Variants in SETX observed in about 807,000 individuals in gnomAD.
The protein encoded by SETX is helicase senataxin.
SETX carries 90 observed loss-of-function variants against 227.2 expected under a neutral mutation model. The observed-to-expected ratio is 0.40, with a 90% CI of 0.33 to 0.47. SETX has a LOEUF of 0.47. SETX is among the 20% of genes least tolerant of loss of function. The pLI, the probability that SETX is intolerant of heterozygous loss-of-function variation, is 0.91. For synonymous variants in SETX, 1,210 were observed against 1,113.2 expected, an observed-to-expected ratio of 1.09 and a Z score of -1.73; for missense variants, 3,052 against 3,181.5, an observed-to-expected ratio of 0.96 and a Z score of 0.98.
At chr9:132,303,902 A>G (rs572495017) in intron 11 of SETX, among the ~76,000 whole-genome samples, 4 of 152,306 alleles carry the variant, frequency 2.6e-5, no homozygotes, top group Non-Finnish European at 5.9e-5. Context: ...CGGGTGGTTC[A>G]CCTGAGATCA....
At chr9:132,307,390 A>T (rs1201261759) in intron 11 of SETX, among the ~76,000 whole-genome samples, 1 of 151,648 alleles carries the variant, frequency 6.6e-6, no homozygotes, top group Non-Finnish European at 1.5e-5. Flanking sequence ...TACAATCTTT[A>T]TGTATCCTTA....
chr9:132,310,765 C>A (rs985987682), intron 11 of SETX, among the ~76,000 whole-genome samples: 2 of 152,200 alleles, frequency 1.3e-5, no homozygotes, highest in African/African-American at 4.8e-5. Flanking sequence ...CTCTGCCACT[C>A]CTGAGAGAGC....
intron 11 of SETX, among the ~76,000 whole-genome samples, chr9:132,307,962 C>A (rs935836730): frequency 6.6e-6 from 1 of 152,136 alleles, no homozygotes; most frequent in Admixed American, 6.5e-5. Flanking sequence ...CAGGCCTGAG[C>A]CACCGCACCC....
intron 11 of SETX, among the ~76,000 whole-genome samples, chr9:132,301,461 T>A (rs768496687): frequency 6.6e-6 from 1 of 152,164 alleles, no homozygotes; most frequent in Non-Finnish European, 1.5e-5. Flanking sequence ...CGGAAACAGA[T>A]CCAAGTAGTT....
At chr9:132,318,424 A>G (rs1310387784) in intron 10 of SETX, among the ~76,000 whole-genome samples, 1 of 152,176 alleles carries the variant, frequency 6.6e-6, no homozygotes, top group Non-Finnish European at 1.5e-5. Context: ...CATACTCCCC[A>G]GGGAGACCAG....
intron 11 of SETX, among the ~76,000 whole-genome samples, chr9:132,306,295 C>G (rs1845331316): frequency 6.6e-6 from 1 of 152,186 alleles, no homozygotes; most frequent in Non-Finnish European, 1.5e-5. Flanking sequence ...TCACTGCAAC[C>G]TCTGCCTCTT....
intron 15 of SETX, among the ~76,000 whole-genome samples, chr9:132,295,156 T>G (rs1844595549): frequency 1.3e-5 from 2 of 152,234 alleles, no homozygotes; most frequent in African/African-American, 4.8e-5. Context: ...TTTAGTGCCC[T>G]GAATCATCCG....
rs756892578 is a variant in SETX, at chr9:132,334,651, A to G, written c.795T>C (p.Asp265=). The G allele has an allele frequency of 6.2e-7, 1 of 1,614,126 alleles. No homozygotes were observed. Among genetic ancestry groups the G allele is most frequent in the South Asian group, 1.1e-5 (1 of 91,080 alleles). The change falls in exon 7 of 26, where the codon GAT becomes GAC. Residue 265 remains aspartate (D), a synonymous_variant. Coordinates refer to ENST00000224140, the MANE Select transcript of SETX (RefSeq NM_015046.7). ...TAGTGTGAAGTATCGATTGCATAAAATCATTTTGTTTGTCTGAGCCCAACA... is the reference window on the plus strand; with the variant it reads ...TAGTGTGAAGTATCGATTGCATAAAGTCATTTTGTTTGTCTGAGCCCAACA... The part of the protein sequence containing the change: ...SLLLGSDKQN[D]FMQSILHTME...
chr9:132,335,173 A>T (rs555012440), intron 6 of SETX, among the ~76,000 whole-genome samples: 1 of 151,558 alleles, frequency 6.6e-6, no homozygotes, highest in African/African-American at 2.4e-5. Context: ...GGCAGATCAC[A>T]AAGTCAGGAG....
chr9:132,288,798 C>T (rs1010997750), intron 15 of SETX, 147 bp from the exon 16 acceptor site: 6 of 663,194 alleles, frequency 9.0e-6, no homozygotes, highest in Non-Finnish European at 1.6e-5. Flanking sequence ...ACACCAGGGA[C>T]TACACCACAA....
At position 132,275,348 on chromosome 9, in the gene SETX, A is replaced by G; in HGVS notation, c.7008T>C (p.Asp2336=). Residue 2336 remains aspartate (D), a synonymous_variant, in exon 23 of 26, where the codon GAT becomes GAC. Transcript: ENST00000224140. ...IIKLIKDKRK[D]VSFRNIGIIT... ...TTATGCCAATGTTTCGAAAACTAACATCCTTTCTTTTGTCTTTAATAAGCT... is the reference window on the plus strand; with the variant it reads ...TTATGCCAATGTTTCGAAAACTAACGTCCTTTCTTTTGTCTTTAATAAGCT... 1 of 1,612,262 alleles carries G rather than the reference A, an allele frequency of 6.2e-7. No homozygotes were observed. The highest frequency in any genetic ancestry group is 2.2e-5 in the East Asian group (1 of 44,852).
intron 24 of SETX, among the ~76,000 whole-genome samples, chr9:132,270,205 T>A (rs1048815315): frequency 2.0e-5 from 3 of 149,966 alleles, no homozygotes; most frequent in Admixed American, 2.0e-4. Context: ...CGTGCCCATG[T>A]GAGACACAGG....
Position 132,326,444 on chromosome 9 carries a change from C to T in SETX, c.5154G>A (p.Gln1718=). The T allele has an allele frequency of 1.9e-6, 3 of 1,614,188 alleles. No individual in the cohort carries two copies. The East Asian group carries it at 6.7e-5, about 36-fold the overall frequency. ...GACAAAGACTTGCAGGGGGCCCACA[C>T]TGACCAAAGTTCAAAAACATTTCAT... The part of the protein sequence containing the change: ...WKYEMFLNFG[Q]CGPPASLCQS... Residue 1718 remains glutamine, a synonymous_variant, in exon 10 of 26, where the codon CAG becomes CAA. Coordinates refer to ENST00000224140, the MANE Select transcript of SETX (RefSeq NM_015046.7).
rs180860857 is a variant in SETX, at chr9:132,306,905, G to A, written c.5374+4852C>T. On this transcript the variant is annotated intron_variant, in intron 11 of 25. Coordinates refer to ENST00000224140, the MANE Select transcript of SETX (RefSeq NM_015046.7). ...TCTTTATCTATTTTATTAGGTATATGCATTCAGAATTGTCATATCTTCTGT... is the reference window on the plus strand; with the variant it reads ...TCTTTATCTATTTTATTAGGTATATACATTCAGAATTGTCATATCTTCTGT... 1.6e-3 allele frequency among the ~76,000 whole-genome samples: 248 copies of A among 152,330 alleles called. 1 individual carries two copies. Among genetic ancestry groups the A allele is most frequent in the African/African-American group, 5.5e-3 (230 of 41,580 alleles).
At chr9:132,307,218 C>T (rs1019957870) in intron 11 of SETX, among the ~76,000 whole-genome samples, 2 of 152,118 alleles carry the variant, frequency 1.3e-5, no homozygotes, top group African/African-American at 2.4e-5. Flanking sequence ...TCAGCTACTG[C>T]ACTCCAGCCT....
At chr9:132,277,812 AG>A (rs1473623378) in intron 21 of SETX, among the ~76,000 whole-genome samples, 5 of 111,024 alleles carry the variant, frequency 4.5e-5, no homozygotes, top group African/African-American at 1.8e-4. Context: ...AAAAAAAAAA[AG>A]GACTGCTGAA....
In SETX at chr9:132,281,483, G is replaced by A. The variant is rs28940290; in HGVS notation, c.6638C>T (p.Pro2213Leu). 1.9e-6 allele frequency: 3 copies of A among 1,612,610 alleles called. No individual in the cohort carries two copies. The highest frequency in any genetic ancestry group is 1.3e-5 in the African/African-American group (1 of 74,982). ...ILVGDPKQLP[P>L]TVISMKAQEY... ...AAAACTTACCATAGAGATGACTGTCGGAGGGAGCTGCTTAGGATCTCCTAC... is the reference window on the plus strand; with the variant it reads ...AAAACTTACCATAGAGATGACTGTCAGAGGGAGCTGCTTAGGATCTCCTAC... The change falls in exon 20 of 26, where the codon CCG (proline) becomes CTG (leucine). Residue 2213 changes from proline to leucine, a missense_variant. Physicochemically the swap from Pro to Leu is moderately conservative, Grantham distance 98 (BLOSUM62 -3). This residue lies in a region of SETX where 412 missense variants were observed against 589.0 expected (regional missense o/e 0.70). Transcript: ENST00000224140.
At position 132,329,450 on chromosome 9, in the gene SETX, T is replaced by C. The variant is rs1847078932; in HGVS notation, c.2148A>G (p.Lys716=). Residue 716 remains lysine, a synonymous_variant, in exon 10 of 26, where the codon AAA becomes AAG. Transcript: ENST00000224140. ...CCTTTGGTGTATATGAAGAGATCTCTTTTACAGACTTCTGCTTCCTTGTAC... is the reference window on the plus strand; with the variant it reads ...CCTTTGGTGTATATGAAGAGATCTCCTTTACAGACTTCTGCTTCCTTGTAC... The part of the protein sequence containing the change: ...KISTRKQKSV[K]EISSYTPKDC... 1 of 1,613,182 alleles carries C rather than the reference T, an allele frequency of 6.2e-7. No homozygotes were observed. The highest frequency in any genetic ancestry group is 1.1e-5 in the South Asian group (1 of 90,980).
At chr9:132,275,660 T>C (rs1843125473) in intron 22 of SETX, among the ~76,000 whole-genome samples, 1 of 151,962 alleles carries the variant, frequency 6.6e-6, no homozygotes, top group Non-Finnish European at 1.5e-5. Flanking sequence ...CAGTGAAAAA[T>C]GAAGTTGTAG....
Sources: gnomAD v4.1 joint callset for allele counts (sites outside exome capture counted in the v4.1 genomes callset) on GRCh38, gnomAD v4.1.1 for gene constraint, gnomAD v4.1.1 regional missense constraint, MANE v1.5 for transcripts, NCBI Gene and HGNC (gene_info 2026-07-23, HGNC 2026-07-21) for gene names.